NXPH1: variants seen among roughly 807,000 people sequenced by gnomAD.
NXPH1 encodes neurexophilin-1.
A neutral mutation model predicts 23.7 loss-of-function variants in NXPH1; 5 were observed. The ratio of observed to expected loss-of-function variants is 0.21; its 90% CI spans 0.11 to 0.44. NXPH1 has a LOEUF of 0.44. Ranked by LOEUF, NXPH1 falls within the 20% of genes least tolerant of loss-of-function variation. NXPH1 has a pLI of 0.99. For synonymous variants in NXPH1, 144 were observed against 122.2 expected, an observed-to-expected ratio of 1.18 and a Z score of -1.18; for missense variants, 324 against 321.6, an observed-to-expected ratio of 1.01 and a Z score of -0.06.
chr7:8,690,936 A>T (rs1821212247), intron 2 of NXPH1, among the ~76,000 whole-genome samples: 1 of 152,026 alleles, frequency 6.6e-6, no homozygotes. Flanking sequence ...TTTGCCATTC[A>T]TTCAGATTTG....
chr7:8,545,239 CT>C (rs1818181676), intron 2 of NXPH1, among the ~76,000 whole-genome samples: 1 of 151,440 alleles, frequency 6.6e-6, no homozygotes, highest in African/African-American at 2.4e-5. Flanking sequence ...TCAGTTCAGG[CT>C]TTGTCACTAG....
chr7:8,752,570 A>G lies in NXPH1; in HGVS notation c.*801A>G, dbSNP rs566207894. On this transcript the variant is annotated 3_prime_UTR_variant, in exon 3 of 3. Transcript: ENST00000405863. ...AGTTCTGATCATTATATAAGAAGGG[A>G]AATGCCTGGCAGACACCATGTAAGT... 6.6e-6 allele frequency: 1 copy of G among 152,642 alleles called. No homozygotes were observed. The highest frequency in any genetic ancestry group is 6.6e-5 in the Admixed American group (1 of 15,264). The allele number at this position is 152,642 out of a possible 1,614,324, so 9.5% of individuals were successfully genotyped here.
At chr7:8,694,017 T>C (rs1821263592) in intron 2 of NXPH1, among the ~76,000 whole-genome samples, 1 of 152,196 alleles carries the variant, frequency 6.6e-6, no homozygotes, top group Non-Finnish European at 1.5e-5. Context: ...CATGTCAGGA[T>C]GACATTTGTA....
intron 2 of NXPH1, among the ~76,000 whole-genome samples, chr7:8,465,935 C>A (rs1563318481): frequency 6.6e-6 from 1 of 152,136 alleles, no homozygotes; most frequent in African/African-American, 2.4e-5. Flanking sequence ...CCATGTACTG[C>A]AAAGTCTCTA....
At chr7:8,609,187 A>C (rs770918464) in intron 2 of NXPH1, among the ~76,000 whole-genome samples, 4 of 152,192 alleles carry the variant, frequency 2.6e-5, no homozygotes, top group Admixed American at 6.5e-5. Context: ...ACAGATGGTT[A>C]ATGTCTGCTA....
chr7:8,739,057 T>C (rs2115225549), intron 2 of NXPH1, among the ~76,000 whole-genome samples: 1 of 151,910 alleles, frequency 6.6e-6, no homozygotes, highest in Non-Finnish European at 1.5e-5. Flanking sequence ...CTTAGCTTGC[T>C]GGGCTCCTTG....
intron 2 of NXPH1, among the ~76,000 whole-genome samples, chr7:8,731,302 C>T (rs1583250757): frequency 2.0e-5 from 3 of 152,126 alleles, no homozygotes; most frequent in Non-Finnish European, 1.5e-5. Context: ...TCCCGTAGCT[C>T]AGAGTAATTT....
At chr7:8,512,234 A>T (rs1402203527) in intron 2 of NXPH1, among the ~76,000 whole-genome samples, 3 of 152,160 alleles carry the variant, frequency 2.0e-5, no homozygotes, top group African/African-American at 7.2e-5. Flanking sequence ...TGATAATCTT[A>T]ACCAACTGTT....
intron 2 of NXPH1, among the ~76,000 whole-genome samples, chr7:8,468,398 A>G (rs1816819021): frequency 6.6e-6 from 1 of 152,112 alleles, no homozygotes; most frequent in Non-Finnish European, 1.5e-5. Flanking sequence ...TTCTTTGAAA[A>G]TGCTGACCGT....
intron 2 of NXPH1, among the ~76,000 whole-genome samples, chr7:8,553,799 G>T (rs1234209624): frequency 2.0e-5 from 3 of 151,542 alleles, no homozygotes; most frequent in Non-Finnish European, 3.0e-5. Flanking sequence ...GTAGTCATTT[G>T]TTCTGTTGGA....
At chr7:8,557,679 T>C (rs1818382299) in intron 2 of NXPH1, among the ~76,000 whole-genome samples, 1 of 151,612 alleles carries the variant, frequency 6.6e-6, no homozygotes, top group Non-Finnish European at 1.5e-5. Flanking sequence ...ACTGGTGCAG[T>C]AAAAACATTT....
intron 2 of NXPH1, among the ~76,000 whole-genome samples, chr7:8,675,917 T>G (rs953339975): frequency 5.9e-5 from 9 of 152,160 alleles, no homozygotes; most frequent in African/African-American, 2.2e-4. Context: ...CCTTCTCTTT[T>G]GCCACTTGTT....
chr7:8,708,704 T>G (rs1779741178), intron 2 of NXPH1, among the ~76,000 whole-genome samples: 1 of 152,166 alleles, frequency 6.6e-6, no homozygotes, highest in African/African-American at 2.4e-5. Context: ...AATTTTTTTT[T>G]TACAGAATTG....
intron 2 of NXPH1, among the ~76,000 whole-genome samples, chr7:8,578,198 G>A (rs1818791276): frequency 6.6e-6 from 1 of 152,174 alleles, no homozygotes; most frequent in Non-Finnish European, 1.5e-5. Context: ...GTAGCATGGA[G>A]CTACTTGATT....
At chr7:8,713,784 G>A (rs915942695) in intron 2 of NXPH1, among the ~76,000 whole-genome samples, 1 of 152,144 alleles carries the variant, frequency 6.6e-6, no homozygotes, top group African/African-American at 2.4e-5. Flanking sequence ...GCAGAGATTC[G>A]TGTTCTCTTC....
intron 2 of NXPH1, among the ~76,000 whole-genome samples, chr7:8,615,350 A>C (rs887227875): frequency 9.2e-5 from 14 of 152,052 alleles, no homozygotes; most frequent in Admixed American, 3.9e-4. Flanking sequence ...CTCTGAGTAC[A>C]TTTACTCATC....
chr7:8,704,675 T>G (rs1010632503), intron 2 of NXPH1, among the ~76,000 whole-genome samples: 1 of 152,132 alleles, frequency 6.6e-6, no homozygotes, highest in Non-Finnish European at 1.5e-5. Flanking sequence ...TCTGCATGGA[T>G]TTTTTGGTTA....
chr7:8,568,041 CG>C (rs1219346018), intron 2 of NXPH1, among the ~76,000 whole-genome samples: 1 of 151,826 alleles, frequency 6.6e-6, no homozygotes, highest in East Asian at 1.9e-4. Context: ...CTTTTTTCAA[CG>C]TCCCATGCTA....
intron 2 of NXPH1, among the ~76,000 whole-genome samples, chr7:8,475,520 A>G (rs917085475): frequency 6.6e-6 from 1 of 152,148 alleles, no homozygotes; most frequent in South Asian, 2.1e-4. Context: ...TGAAAACCCA[A>G]CTAGAGCAGA....
Sources: gnomAD v4.1 joint callset for allele counts (sites outside exome capture counted in the v4.1 genomes callset) on GRCh38, gnomAD v4.1.1 for gene constraint, MANE v1.5 for transcripts, NCBI Gene and HGNC (gene_info 2026-07-23, HGNC 2026-07-21) for gene names.